Variants in SPECC1 observed in about 807,000 individuals in gnomAD.
SPECC1 encodes the protein cytospin-B.
SPECC1 carries 62 observed loss-of-function variants against 104.1 expected under a neutral mutation model. The ratio of observed to expected loss-of-function variants is 0.60; its 90% CI spans 0.49 to 0.74. The LOEUF (loss-of-function observed/expected upper bound fraction) is 0.74, where lower values mean the gene tolerates loss of function less well. Ranked by LOEUF, SPECC1 falls within the 30% of genes least tolerant of loss-of-function variation. The probability of loss-of-function intolerance (pLI) is 0.00; values close to 1 mark genes in which losing one functional copy is unlikely to be tolerated. For missense variants in SPECC1, 1,306 were observed against 1,310.5 expected (o/e 1.00, Z 0.05); for synonymous variants, 513 against 501.6 (o/e 1.02, Z -0.30).
intron 10 of SPECC1, 58 bp from the exon 11 acceptor site, chr17:20,257,393 T>A (rs2039870942): frequency 6.6e-7 from 1 of 1,511,078 alleles, no homozygotes; most frequent in Admixed American, 2.4e-5. Context: ...GAATGAAGTA[T>A]GATGGCAGTC....
In SPECC1 at chr17:20,257,515, A is replaced by G. The variant is rs1407077996; in HGVS notation, c.2745A>G (p.Leu915=). 1.2e-6 allele frequency: 2 copies of G among 1,613,136 alleles called. No homozygotes were observed. Among genetic ancestry groups the G allele is most frequent in the Non-Finnish European group, 1.7e-6 (2 of 1,179,810 alleles). The change falls in exon 11 of 15, where the codon CTA becomes CTG. Residue 915 remains leucine (L), a synonymous_variant. Coordinates refer to ENST00000395527, the MANE Select transcript of SPECC1 (RefSeq NM_001243439.2). ...CCCACCTCCGCAAGAGTCCCTCACT[A>G]GAGTCACTGAGCAGACCCCCGTCTC... ...PDPHLRKSPS[L]ESLSRPPSLG...
At chr17:20,232,673 A>G (rs184541259) in intron 7 of SPECC1, among the ~76,000 whole-genome samples, 11 of 152,350 alleles carry the variant, frequency 7.2e-5, no homozygotes, top group Admixed American at 5.9e-4. Context: ...AAAGAATAGA[A>G]GTCCTGTCTA....
intron 5 of SPECC1, among the ~76,000 whole-genome samples, chr17:20,229,108 C>T (rs542350227): frequency 3.3e-5 from 5 of 152,322 alleles, no homozygotes; most frequent in African/African-American, 4.8e-5. Flanking sequence ...GTTCCCAACT[C>T]GGGTCAGACA....
chr17:20,107,581 C>A (rs1486806652), intron 2 of SPECC1, among the ~76,000 whole-genome samples: 1 of 151,628 alleles, frequency 6.6e-6, no homozygotes, highest in African/African-American at 2.4e-5. Flanking sequence ...CTCAGCCTCC[C>A]GAGTAGCTGG....
At chr17:20,128,140 GTACATTAGTGGAGAT>G (rs1188054755) in intron 3 of SPECC1, among the ~76,000 whole-genome samples, 1 of 152,212 alleles carries the variant, frequency 6.6e-6, no homozygotes, top group African/African-American at 2.4e-5. Context: ...ACAGATGCTT[GTACATTAGTGGAGAT>G]TGCTGCCTTA....
intron 2 of SPECC1, among the ~76,000 whole-genome samples, chr17:20,101,946 A>G (rs1283708737): frequency 5.9e-5 from 9 of 152,216 alleles, no homozygotes; most frequent in Admixed American, 2.0e-4. Context: ...TTTCTTAGTT[A>G]CTTTAATCTG....
chr17:20,187,805 C>G (rs1435856920), intron 3 of SPECC1, among the ~76,000 whole-genome samples: 1 of 152,150 alleles, frequency 6.6e-6, no homozygotes, highest in East Asian at 1.9e-4. Context: ...GGCAGTTTAT[C>G]CAATGAATGG....
chr17:20,089,464 A>G (rs1415097239), intron 1 of SPECC1, among the ~76,000 whole-genome samples: 1 of 150,206 alleles, frequency 6.7e-6, no homozygotes, highest in Non-Finnish European at 1.5e-5. Context: ...TCGCCTCTAT[A>G]TAAAAAAAAA....
chr17:20,297,695 T>G (rs775525418), intron 13 of SPECC1, among the ~76,000 whole-genome samples: 1 of 152,160 alleles, frequency 6.6e-6, no homozygotes, highest in Non-Finnish European at 1.5e-5. Context: ...CCAACAAACC[T>G]TTATTTACAA....
chr17:20,075,007 A>AT (rs2046702133), intron 1 of SPECC1, among the ~76,000 whole-genome samples: 1 of 151,864 alleles, frequency 6.6e-6, no homozygotes, highest in African/African-American at 2.4e-5. Context: ...GGTTCAAGTG[A>AT]TTCTCCTGTC....
intron 1 of SPECC1, among the ~76,000 whole-genome samples, chr17:20,063,686 A>G (rs1266800674): frequency 6.6e-6 from 1 of 152,196 alleles, no homozygotes; most frequent in Admixed American, 6.5e-5. Flanking sequence ...CCTCACTCCC[A>G]ACTGCCATCA....
chr17:20,199,387 T>G (rs1449268195), intron 3 of SPECC1, among the ~76,000 whole-genome samples: 3 of 109,344 alleles, frequency 2.7e-5, no homozygotes, highest in African/African-American at 1.1e-4. Flanking sequence ...GTGCTGGTTT[T>G]TTTTTTTTTT....
At chr17:20,138,693 C>T (rs965991079) in intron 3 of SPECC1, among the ~76,000 whole-genome samples, 2 of 152,152 alleles carry the variant, frequency 1.3e-5, no homozygotes, top group Non-Finnish European at 2.9e-5. Flanking sequence ...CTTTTCATGG[C>T]TTGATAGTTC....
intron 2 of SPECC1, among the ~76,000 whole-genome samples, chr17:20,104,955 C>T (rs972215586): frequency 1.3e-4 from 19 of 151,992 alleles, no homozygotes; most frequent in African/African-American, 4.1e-4. Flanking sequence ...TGGAGAACCA[C>T]CATGGAGAGC....
intron 14 of SPECC1, among the ~76,000 whole-genome samples, chr17:20,308,491 G>A (rs1246503929): frequency 2.0e-5 from 3 of 151,192 alleles, no homozygotes; most frequent in Admixed American, 1.3e-4. Context: ...TTACCACCAT[G>A]AACAGTGCTA....
chr17:20,016,711 A>C (rs907360331), intron 1 of SPECC1, among the ~76,000 whole-genome samples: 22 of 151,942 alleles, frequency 1.4e-4, no homozygotes, highest in Middle Eastern at 3.4e-3. Flanking sequence ...AGCCACCCCC[A>C]CCTCCTGGGC....
Position 20,247,313 on chromosome 17 carries a change from A to G in SPECC1, c.2592A>G (p.Pro864=), listed in dbSNP as rs1457673585. ...VRTAPAAAVS[P]MQRHSTYSSV... Reference sequence around the variant, plus strand: ...CTGCTCCAGCAGCTGCTGTCTCTCCAATGCAGGTAGATGAGCCCCAGAAAT... The same window carrying G: ...CTGCTCCAGCAGCTGCTGTCTCTCCGATGCAGGTAGATGAGCCCCAGAAAT... The change falls in exon 9 of 15, where the codon CCA becomes CCG. Residue 864 remains proline (P), a synonymous_variant. Transcript: ENST00000395527. The G allele has an allele frequency of 2.5e-6, 4 of 1,612,274 alleles. No individual in the cohort carries two copies. The East Asian group carries it at 6.7e-5, about 27-fold the overall frequency.
chr17:20,254,644 T>A (rs733794), intron 10 of SPECC1, among the ~76,000 whole-genome samples: 1 of 151,874 alleles, frequency 6.6e-6, no homozygotes, highest in African/African-American at 2.4e-5. Flanking sequence ...TGTATGTGTC[T>A]ATGTGGTGAC....
intron 1 of SPECC1, among the ~76,000 whole-genome samples, chr17:20,030,483 C>T (rs2044764734): frequency 6.6e-6 from 1 of 151,784 alleles, no homozygotes; most frequent in Non-Finnish European, 1.5e-5. Context: ...ATTTCTTTAG[C>T]CTAGTAACAG....
Sources: allele counts gnomAD v4.1 joint callset (sites outside exome capture counted in the v4.1 genomes callset), GRCh38; gene constraint gnomAD v4.1.1; transcripts MANE v1.5; gene names NCBI Gene and HGNC (gene_info 2026-07-23, HGNC 2026-07-21).